The following MIPOL1 variants were observed in gnomAD, a reference collection of about 807,000 sequenced individuals.
MIPOL1 encodes mirror-image polydactyly 1.
Under a neutral mutation model 60.9 loss-of-function variants are expected in MIPOL1, and 57 were observed. The observed-to-expected ratio is 0.94, with a 90% CI of 0.76 to 1.17. MIPOL1 has a LOEUF of 1.17. MIPOL1 is among the 50% of genes most tolerant of loss of function. The pLI, the probability that MIPOL1 is intolerant of heterozygous loss-of-function variation, is 0.00. For synonymous variants in MIPOL1, 179 were observed against 168.8 expected, an observed-to-expected ratio of 1.06 and a Z score of -0.47; for missense variants, 551 against 511.6, an observed-to-expected ratio of 1.08 and a Z score of -0.74.
rs536593045 is a variant in MIPOL1 at position 37,313,946 on chromosome 14, T to C, written c.828+5427T>C. Among the ~76,000 whole-genome samples the C allele has an allele frequency of 2.6e-5, 4 of 152,274 alleles. No individual in the cohort carries two copies. The South Asian group carries it at 8.3e-4, about 32-fold the overall frequency. The stretch of plus-strand genomic sequence containing the variant: ...CCTTGGGTTTCCTTCTACTTTTCTG[T>C]CTTCTAGGTGTTAGTTTCTTCTTGC... On this transcript the variant is annotated intron_variant, in intron 9 of 12. Transcript: ENST00000684589.
At chr14:37,442,389 C>T (rs929349159) in intron 11 of MIPOL1, among the ~76,000 whole-genome samples, 2 of 152,046 alleles carry the variant, frequency 1.3e-5, no homozygotes, top group Admixed American at 6.6e-5. Flanking sequence ...ATTGCTCTGA[C>T]TAGGACTTCC....
chr14:37,326,053 T>C (rs1595147431), intron 9 of MIPOL1, among the ~76,000 whole-genome samples: 1 of 152,322 alleles, frequency 6.6e-6, no homozygotes, highest in East Asian at 1.9e-4. Flanking sequence ...TAAAAGTGAA[T>C]GGAGTCATTC....
At chr14:37,244,135 T>C (rs1321118058) in intron 1 of MIPOL1, among the ~76,000 whole-genome samples, 1 of 129,908 alleles carries the variant, frequency 7.7e-6, no homozygotes, top group Non-Finnish European at 1.6e-5. Flanking sequence ...TTTTTTTTTT[T>C]TGTGAGACAG....
chr14:37,539,255 A>G (rs1053230348), intron 12 of MIPOL1, among the ~76,000 whole-genome samples: 9 of 152,198 alleles, frequency 5.9e-5, no homozygotes, highest in Non-Finnish European at 1.3e-4. Flanking sequence ...CCAAATTGAC[A>G]TGATTAAATA....
At chr14:37,367,070 G>T (rs7157247) in intron 9 of MIPOL1, among the ~76,000 whole-genome samples, 33,131 of 151,874 alleles carry the variant, frequency 0.22, 4,072 homozygotes, top group South Asian at 0.35. Flanking sequence ...AATTTGAGAT[G>T]TGATTAAAGG....
chr14:37,345,935 T>C (rs973714462), intron 9 of MIPOL1, among the ~76,000 whole-genome samples: 1 of 152,360 alleles, frequency 6.6e-6, no homozygotes, highest in South Asian at 2.1e-4. Context: ...ATATATACAA[T>C]TGGCATTTAC....
At chr14:37,300,295 T>G (rs2086258701) in intron 7 of MIPOL1, among the ~76,000 whole-genome samples, 1 of 146,796 alleles carries the variant, frequency 6.8e-6, no homozygotes, top group African/African-American at 2.5e-5. Flanking sequence ...ATGTAATACT[T>G]TAATACAGGA....
intron 11 of MIPOL1, among the ~76,000 whole-genome samples, chr14:37,433,168 C>T (rs1177833849): frequency 6.6e-6 from 1 of 152,114 alleles, no homozygotes; most frequent in African/African-American, 2.4e-5. Context: ...TGAAATGATC[C>T]TCCTGCCTCA....
At chr14:37,359,171 C>G (rs1465656257) in intron 9 of MIPOL1, among the ~76,000 whole-genome samples, 1 of 152,136 alleles carries the variant, frequency 6.6e-6, no homozygotes, top group East Asian at 1.9e-4. Context: ...TCTGAGGCCT[C>G]TGTTCTGTTC....
intron 1 of MIPOL1, among the ~76,000 whole-genome samples, chr14:37,202,658 G>C (rs890490698): frequency 6.6e-6 from 1 of 152,162 alleles, no homozygotes; most frequent in African/African-American, 2.4e-5. Context: ...TAATTTGTAC[G>C]ATCATCCTTA....
intron 10 of MIPOL1, among the ~76,000 whole-genome samples, chr14:37,373,482 G>A (rs1276450946): frequency 1.3e-5 from 2 of 151,528 alleles, no homozygotes; most frequent in East Asian, 1.9e-4. Context: ...ACATGCCATG[G>A]TGGCTTGCTG....
At chr14:37,367,774 G>C (rs1368728150) in intron 9 of MIPOL1, among the ~76,000 whole-genome samples, 1 of 151,952 alleles carries the variant, frequency 6.6e-6, no homozygotes, top group Admixed American at 6.6e-5. Flanking sequence ...AATTGAAAAT[G>C]TAAAGGATAA....
At chr14:37,356,092 A>G (rs1270707374) in intron 9 of MIPOL1, among the ~76,000 whole-genome samples, 1 of 148,760 alleles carries the variant, frequency 6.7e-6, no homozygotes, top group Admixed American at 6.7e-5. Flanking sequence ...TTTGGTGTGG[A>G]TGTCCTTTCT....
At chr14:37,437,756 A>G (rs2094184793) in intron 11 of MIPOL1, among the ~76,000 whole-genome samples, 2 of 152,138 alleles carry the variant, frequency 1.3e-5, no homozygotes, top group South Asian at 4.1e-4. Context: ...GCCTCATATC[A>G]TTGTTTTAGA....
chr14:37,355,105 G>T (rs922111566), intron 9 of MIPOL1, among the ~76,000 whole-genome samples: 3 of 148,552 alleles, frequency 2.0e-5, no homozygotes, highest in African/African-American at 5.0e-5. Flanking sequence ...AGGCCTGGTG[G>T]TGACAAAATC....
chr14:37,547,130 T>C lies in MIPOL1; in HGVS notation c.*159T>C. 1.7e-6 allele frequency: 1 copy of C among 604,396 alleles called. No individual in the cohort carries two copies. Among genetic ancestry groups the C allele is most frequent in the Non-Finnish European group, 2.9e-6 (1 of 343,276 alleles). The allele number at this position is 604,396 out of a possible 1,614,324, so 37.4% of individuals were successfully genotyped here. A position where few individuals can be genotyped will look rare whatever the true frequency, so the allele number is the denominator to read the frequency against. ...CTGAGATAAAATCAAATCACAAATG[T>C]TTAACCACTTTGCTGCTGACTTGAG... On this transcript the variant is annotated 3_prime_UTR_variant, in exon 13 of 13. Coordinates refer to ENST00000684589, the MANE Select transcript of MIPOL1 (RefSeq NM_001388067.1).
chr14:37,544,226 A>G (rs1225006757), intron 12 of MIPOL1, among the ~76,000 whole-genome samples: 2 of 152,208 alleles, frequency 1.3e-5, no homozygotes, highest in Non-Finnish European at 2.9e-5. Context: ...AACAACAACC[A>G]TAGTGATAAA....
intron 11 of MIPOL1, among the ~76,000 whole-genome samples, chr14:37,457,274 A>G (rs1165094625): frequency 1.3e-5 from 2 of 152,144 alleles, no homozygotes; most frequent in Admixed American, 6.5e-5. Flanking sequence ...TGAAAGTACC[A>G]CAAAAGTAGG....
At chr14:37,413,834 C>T (rs1279260820) in intron 10 of MIPOL1, among the ~76,000 whole-genome samples, 1 of 152,160 alleles carries the variant, frequency 6.6e-6, no homozygotes, top group Non-Finnish European at 1.5e-5. Context: ...GCTGTTTTAT[C>T]CCATAAACGT....
Sources: allele counts gnomAD v4.1 joint callset (sites outside exome capture counted in the v4.1 genomes callset), GRCh38; gene constraint gnomAD v4.1.1; transcripts MANE v1.5; gene names NCBI Gene and HGNC (gene_info 2026-07-23, HGNC 2026-07-21).